Variants in IFTAP observed in about 807,000 individuals in gnomAD.
IFTAP encodes intraflagellar transport-associated protein.
In IFTAP, 19 loss-of-function variants were observed where a neutral mutation model predicts 19.4. The ratio of observed to expected loss-of-function variants is 0.98; its 90% CI spans 0.68 to 1.44. The LOEUF (loss-of-function observed/expected upper bound fraction) is 1.44, where lower values mean the gene tolerates loss of function less well. Among genes scored for constraint, IFTAP ranks in the 40% most tolerant of loss-of-function variants. The pLI is 0.00. For synonymous variants in IFTAP, 85 were observed against 83.5 expected (o/e 1.02, Z -0.10); for missense variants, 240 against 253.6 (o/e 0.95, Z 0.36).
intron 4 of IFTAP, among the ~76,000 whole-genome samples, chr11:36,640,796 G>A (rs1358652360): frequency 1.3e-5 from 2 of 152,014 alleles, no homozygotes; most frequent in African/African-American, 4.8e-5. Flanking sequence ...ACTGTATAAT[G>A]AAATATGTCA....
chr11:36,619,850 A>G (rs1852230285), intron 2 of IFTAP, among the ~76,000 whole-genome samples: 2 of 151,908 alleles, frequency 1.3e-5, no homozygotes, highest in Admixed American at 1.3e-4. Flanking sequence ...CCACATTAAG[A>G]AAAAAAAGGC....
intron 2 of IFTAP, among the ~76,000 whole-genome samples, chr11:36,617,501 A>G (rs999890617): frequency 3.3e-5 from 5 of 151,920 alleles, no homozygotes; most frequent in Non-Finnish European, 7.4e-5. Flanking sequence ...TATATTCTCA[A>G]GGCTCTGTAG....
intron 1 of IFTAP, chr11:36,597,787 G>T (rs2133337340): frequency 6.6e-6 from 1 of 152,246 alleles, no homozygotes; most frequent in African/African-American, 2.4e-5. Flanking sequence ...TGTTAATCAG[G>T]TTTGAGGCAT....
intron 2 of IFTAP, among the ~76,000 whole-genome samples, chr11:36,629,157 G>C (rs1228475526): frequency 2.6e-5 from 4 of 151,302 alleles, no homozygotes; most frequent in Non-Finnish European, 5.9e-5. Flanking sequence ...AAGTAGTTTG[G>C]CTGGACAAAT....
At chr11:36,632,966 T>G (rs1852784791) in intron 2 of IFTAP, among the ~76,000 whole-genome samples, 1 of 151,148 alleles carries the variant, frequency 6.6e-6, no homozygotes, top group Non-Finnish European at 1.5e-5. Context: ...CCCTCAAATT[T>G]AGAAAAAGAT....
At chr11:36,630,252 T>C (rs1307266948) in intron 2 of IFTAP, among the ~76,000 whole-genome samples, 2 of 151,446 alleles carry the variant, frequency 1.3e-5, no homozygotes, top group African/African-American at 4.9e-5. Flanking sequence ...ATTTATTATT[T>C]GCTGGATTTT....
intron 2 of IFTAP, among the ~76,000 whole-genome samples, chr11:36,618,766 AAAAC>A (rs1042086592): frequency 6.6e-6 from 1 of 152,036 alleles, no homozygotes; most frequent in Admixed American, 6.6e-5. Context: ...GTAGAATTTT[AAAAC>A]AAACAAACAA....
intron 2 of IFTAP, among the ~76,000 whole-genome samples, chr11:36,632,766 T>C (rs923156219): frequency 6.6e-6 from 1 of 151,304 alleles, no homozygotes; most frequent in Admixed American, 6.6e-5. Context: ...CAAGTTGAGT[T>C]ATGTACAGTA....
intron 5 of IFTAP, among the ~76,000 whole-genome samples, chr11:36,650,235 G>A (rs1325196753): frequency 6.6e-6 from 1 of 152,044 alleles, no homozygotes; most frequent in Non-Finnish European, 1.5e-5. Context: ...AGAGATGATG[G>A]TTTCTTTCTG....
chr11:36,609,845 G>A (rs1332961987), intron 1 of IFTAP, among the ~76,000 whole-genome samples: 1 of 152,054 alleles, frequency 6.6e-6, no homozygotes, highest in Non-Finnish European at 1.5e-5. Context: ...ATATTCTTAT[G>A]AATTAAGAAG....
In IFTAP at chr11:36,616,617, A is replaced by G. The variant is rs58659344; in HGVS notation, c.136+6378A>G. Among the ~76,000 whole-genome samples the G allele has an allele frequency of 1.3e-3, 198 of 152,046 alleles. 1 individual carries two copies. The highest frequency in any genetic ancestry group is 4.7e-3 in the African/African-American group (194 of 41,514). ...TCAGTTTTTCTCAGATTTTAATAATATTGTATAATCATGAGATTAATCTAT... is the reference window on the plus strand; with the variant it reads ...TCAGTTTTTCTCAGATTTTAATAATGTTGTATAATCATGAGATTAATCTAT... On this transcript the variant is annotated intron_variant, in intron 2 of 5. Transcript: ENST00000334307.
chr11:36,629,231 C>A (rs951395301), intron 2 of IFTAP, among the ~76,000 whole-genome samples: 5 of 151,218 alleles, frequency 3.3e-5, no homozygotes, highest in Admixed American at 3.3e-4. Flanking sequence ...GCAAAAATCA[C>A]ACCCTGACTT....
chr11:36,603,564 A>G (rs902122549), intron 1 of IFTAP, among the ~76,000 whole-genome samples: 20 of 152,342 alleles, frequency 1.3e-4, no homozygotes, highest in African/African-American at 4.8e-4. Context: ...AACATCATGC[A>G]TAAGTTTAGT....
intron 2 of IFTAP, among the ~76,000 whole-genome samples, chr11:36,613,604 C>T (rs1289065864): frequency 1.3e-5 from 2 of 151,956 alleles, no homozygotes; most frequent in Non-Finnish European, 2.9e-5. Flanking sequence ...GCCACCCAGC[C>T]TGTGTTTGGA....
intron 4 of IFTAP, among the ~76,000 whole-genome samples, chr11:36,645,067 A>G (rs1853424882): frequency 6.6e-6 from 1 of 152,136 alleles, no homozygotes; most frequent in South Asian, 2.1e-4. Context: ...TCCTTTTTGT[A>G]TTAGGATGCC....
rs573995836 is a variant in IFTAP at position 36,617,758 on chromosome 11, G to T, written c.136+7519G>T. ...TATTTAATTGCCACCATGATGCAAA[G>T]AATTAGCTATTATTCTTCCTTTTTA... is the stretch of plus-strand genomic sequence containing the variant. On this transcript the variant is annotated intron_variant, in intron 2 of 5. Transcript: ENST00000334307. Among the ~76,000 whole-genome samples the T allele has an allele frequency of 4.6e-5, 7 of 152,070 alleles. No individual in the cohort carries two copies. The South Asian group carries it at 1.0e-3, about 22-fold the overall frequency.
chr11:36,601,613 G>C (rs1851512694), intron 1 of IFTAP, among the ~76,000 whole-genome samples: 1 of 152,094 alleles, frequency 6.6e-6, no homozygotes, highest in Non-Finnish European at 1.5e-5. Flanking sequence ...GAGAAGGAAA[G>C]GAGTTAGGAG....
At chr11:36,599,856 C>T (rs1471957521) in intron 1 of IFTAP, among the ~76,000 whole-genome samples, 2 of 152,092 alleles carry the variant, frequency 1.3e-5, no homozygotes, top group African/African-American at 4.8e-5. Context: ...TTACAGCAAC[C>T]ATAAGGACAA....
chr11:36,644,993 TATAATA>T (rs149070033), intron 4 of IFTAP, among the ~76,000 whole-genome samples: 19 of 150,306 alleles, frequency 1.3e-4, no homozygotes, highest in African/African-American at 1.7e-4. Context: ...GAATTTAAAG[TATAATA>T]ATAATAATAA....
Sources: gnomAD v4.1 joint callset for allele counts (sites outside exome capture counted in the v4.1 genomes callset) on GRCh38, gnomAD v4.1.1 for gene constraint, MANE v1.5 for transcripts, NCBI Gene and HGNC (gene_info 2026-07-23, HGNC 2026-07-21) for gene names.